The following TEX2 variants were observed in gnomAD, a reference collection of about 807,000 sequenced individuals.
The protein encoded by TEX2 is testis-expressed protein 2.
TEX2 carries 53 observed loss-of-function variants against 106.9 expected under a neutral mutation model. The ratio of observed to expected loss-of-function variants is 0.50; its 90% CI spans 0.40 to 0.62. The LOEUF (loss-of-function observed/expected upper bound fraction) is 0.62. Among genes scored for constraint, TEX2 ranks in the 20% least tolerant of loss-of-function variants. The pLI, the probability that TEX2 is intolerant of heterozygous loss-of-function variation, is 0.00. For missense variants in TEX2, 1,207 were observed against 1,379.0 expected, an observed-to-expected ratio of 0.88 and a Z score of 1.98; for synonymous variants, 523 against 534.8, an observed-to-expected ratio of 0.98 and a Z score of 0.30.
rs16947499 is a variant in TEX2, at chr17:64,153,582, T to G, written c.2931-428A>C. 1.3e-5 allele frequency among the ~76,000 whole-genome samples: 2 copies of G among 152,126 alleles called. No homozygotes were observed. The highest frequency in any genetic ancestry group is 4.8e-5 in the African/African-American group (2 of 41,402). ...AGACAGAAATCCAATGACATATCAA[T>G]CTCATAATCTCCATGCAGCAAGTAA... On this transcript the variant is annotated intron_variant, in intron 9 of 11. Transcript: ENST00000584379. This position sits in a 1 kb window ranked among gnomAD's most constrained non-coding sequence, Gnocchi z 4.1.
At chr17:64,168,634 A>G (rs1276661176) in intron 7 of TEX2, among the ~76,000 whole-genome samples, 2 of 152,176 alleles carry the variant, frequency 1.3e-5, no homozygotes, top group East Asian at 3.9e-4. Context: ...TCTCCTCGGA[A>G]ATTTCTACAA....
At position 64,153,540 on chromosome 17, in the gene TEX2, T is replaced by TA. The variant is rs1015666955; in HGVS notation, c.2931-387dup. Among the ~76,000 whole-genome samples, 1 of 152,200 alleles carries TA rather than the reference T, an allele frequency of 6.6e-6. No individual in the cohort carries two copies. The highest frequency in any genetic ancestry group is 1.5e-5 in the Non-Finnish European group (1 of 68,028). ...CAGAGGTTTCTCACCTGTCCTCCTT[T>TA]ATACTACTCCAATACCAGACAGAAA... On this transcript the variant is annotated intron_variant, in intron 9 of 11. Transcript: ENST00000584379. The surrounding 1 kb of genome is among the most constrained non-coding windows in gnomAD (Gnocchi z 4.1).
intron 1 of TEX2, among the ~76,000 whole-genome samples, chr17:64,233,527 C>T (rs1417052260): frequency 6.6e-6 from 1 of 152,134 alleles, no homozygotes; most frequent in Non-Finnish European, 1.5e-5. Flanking sequence ...GAGCCAAGAT[C>T]GCACCACTGC....
chr17:64,244,335 T>C (rs1351450067), intron 1 of TEX2, among the ~76,000 whole-genome samples: 1 of 152,136 alleles, frequency 6.6e-6, no homozygotes, highest in Non-Finnish European at 1.5e-5. Context: ...ACCTCACCGC[T>C]CAAACAGCCC....
At chr17:64,182,770 T>A (rs1288527288) in intron 5 of TEX2, among the ~76,000 whole-genome samples, 4 of 151,966 alleles carry the variant, frequency 2.6e-5, no homozygotes, top group African/African-American at 9.7e-5. Context: ...TCAAGGCATA[T>A]CCATGTTGTA....
rs528073550 is a variant in TEX2, at chr17:64,189,365, A to AG, written c.2177-951dup. On this transcript the variant is annotated intron_variant, in intron 4 of 11. Transcript: ENST00000584379. ...GCAGTGACATCTACGCTGTATCTTG[A>AG]GGGAATAGTTGCCATTTTCCTGGCC... Among the ~76,000 whole-genome samples, 41 of 152,294 alleles carry AG rather than the reference A, an allele frequency of 2.7e-4. No homozygotes were observed. In the East Asian group the frequency reaches 7.1e-3, roughly 27 times the overall value.
chr17:64,170,583 C>G (rs1374803749), intron 7 of TEX2, among the ~76,000 whole-genome samples: 1 of 141,242 alleles, frequency 7.1e-6, no homozygotes, highest in Non-Finnish European at 1.5e-5. Context: ...AACCAAGAGA[C>G]TAAAAGACTT....
At chr17:64,158,244 C>T (rs1230570355) in intron 8 of TEX2, among the ~76,000 whole-genome samples, 5 of 152,244 alleles carry the variant, frequency 3.3e-5, no homozygotes, top group Admixed American at 6.5e-5. Flanking sequence ...AACAAACTTC[C>T]TACCAGTAAG....
At chr17:64,220,753 G>GA (rs2033335251) in intron 1 of TEX2, among the ~76,000 whole-genome samples, 1 of 152,152 alleles carries the variant, frequency 6.6e-6, no homozygotes, top group African/African-American at 2.4e-5. Context: ...ACTGTTGGTG[G>GA]GAATATAAAT....
At chr17:64,167,403 GATA>G (rs1397154065) in intron 7 of TEX2, among the ~76,000 whole-genome samples, 1 of 152,184 alleles carries the variant, frequency 6.6e-6, no homozygotes, top group Admixed American at 6.5e-5. Flanking sequence ...AGGCAGCCAT[GATA>G]ATAACAATCC....
intron 2 of TEX2, among the ~76,000 whole-genome samples, chr17:64,200,260 T>C (rs1224589512): frequency 2.6e-5 from 4 of 152,244 alleles, no homozygotes; most frequent in Admixed American, 6.5e-5. Flanking sequence ...TTGAGATACA[T>C]ACACCAGCTC....
chr17:64,170,164 T>C (rs1392589913), intron 7 of TEX2, among the ~76,000 whole-genome samples: 1 of 152,158 alleles, frequency 6.6e-6, no homozygotes, highest in Non-Finnish European at 1.5e-5. Context: ...AAAGCAGACA[T>C]AAATAATGTC....
Position 64,227,224 on chromosome 17 carries a change from CA to C in TEX2, c.-25-12983del, listed in dbSNP as rs35266239. Among the ~76,000 whole-genome samples the C allele has an allele frequency of 1.3e-3, 158 of 125,074 alleles. 1 individual carries two copies. Among genetic ancestry groups the C allele is most frequent in the African/African-American group, 2.7e-3 (84 of 30,918 alleles). The allele number at this position is 125,074 out of a possible 152,430, so 82.1% of individuals were successfully genotyped here. ...CTGGTGACAGAGTGAGACTCCGTAT[CA>C]AAAAAAAAAAAAAAGAAAATGACAT... is the stretch of plus-strand genomic sequence containing the variant. On this transcript the variant is annotated intron_variant, in intron 1 of 11. Coordinates refer to ENST00000584379, the MANE Select transcript of TEX2 (RefSeq NM_001288732.2).
At chr17:64,252,942 C>G (rs1310106030) in intron 1 of TEX2, among the ~76,000 whole-genome samples, 3 of 152,056 alleles carry the variant, frequency 2.0e-5, no homozygotes, top group Non-Finnish European at 4.4e-5. Flanking sequence ...AAAAGTCTAG[C>G]TCCCTTCCAA....
chr17:64,212,468 G>A (rs781824330), intron 2 of TEX2, 106 bp downstream of exon 2: 63 of 1,054,992 alleles, frequency 6.0e-5, no homozygotes, highest in Non-Finnish European at 8.2e-5. Context: ...TAAAAAACAC[G>A]GCCTGTGCAA....
In TEX2 at chr17:64,212,708, G is replaced by A. The variant is rs1555631725; in HGVS notation, c.1510C>T (p.Leu504Phe). ...ACGCAAACTGCAGTCATGAATCCAA[G>A]GCCAATTCCCAGAAAGAGTCCACTC... The part of the protein sequence containing the change: ...YVSGLFLGIG[L>F]GFMTAVCVIW... Residue 504 changes from leucine (L) to phenylalanine (F), a missense_variant, in exon 2 of 12, where the codon CTT becomes TTT. This residue lies in a region of TEX2 where 1,067 missense variants were observed against 1,193.6 expected (regional missense o/e 0.89). Coordinates refer to ENST00000584379, the MANE Select transcript of TEX2 (RefSeq NM_001288732.2). 6.2e-7 allele frequency: 1 copy of A among 1,614,124 alleles called. No individual in the cohort carries two copies. Among genetic ancestry groups the A allele is most frequent in the Admixed American group, 1.7e-5 (1 of 60,010 alleles).
intron 2 of TEX2, among the ~76,000 whole-genome samples, chr17:64,203,098 G>A (rs554637369): frequency 4.6e-5 from 7 of 152,308 alleles, no homozygotes; most frequent in Non-Finnish European, 7.4e-5. Flanking sequence ...AACTACTACC[G>A]TGCTTTCAGT....
intron 1 of TEX2, among the ~76,000 whole-genome samples, chr17:64,238,759 G>A (rs557454905): frequency 6.6e-6 from 1 of 152,280 alleles, no homozygotes; most frequent in Middle Eastern, 3.4e-3. Flanking sequence ...TGGGGATTAT[G>A]GGAACTACAA....
intron 5 of TEX2, among the ~76,000 whole-genome samples, chr17:64,187,725 G>A (rs761002950): frequency 2.6e-5 from 4 of 151,870 alleles, no homozygotes; most frequent in Non-Finnish European, 2.9e-5. Flanking sequence ...TGCCTACAGC[G>A]GGCCCTTGGG....
Sources: allele counts gnomAD v4.1 joint callset (sites outside exome capture counted in the v4.1 genomes callset), GRCh38; gene constraint gnomAD v4.1.1; regional missense constraint gnomAD v4.1.1; non-coding constraint Gnocchi (gnomAD v3.1); transcripts MANE v1.5; gene names NCBI Gene and HGNC (gene_info 2026-07-23, HGNC 2026-07-21).